GRIP1: variants seen among roughly 807,000 people sequenced by gnomAD.
GRIP1 encodes the protein glutamate receptor interacting protein 1.
Under a neutral mutation model 129.9 loss-of-function variants are expected in GRIP1, and 45 were observed. That is an observed-to-expected ratio of 0.35 (90% confidence interval 0.27 to 0.44). The LOEUF (loss-of-function observed/expected upper bound fraction) is 0.44, where lower values mean the gene tolerates loss of function less well. Among genes scored for constraint, GRIP1 ranks in the 20% least tolerant of loss-of-function variants. The pLI, the probability that GRIP1 is intolerant of heterozygous loss-of-function variation, is 1.00. For missense variants in GRIP1, 1,196 were observed against 1,396.8 expected, an observed-to-expected ratio of 0.86 and a Z score of 2.29; for synonymous variants, 530 against 520.8, an observed-to-expected ratio of 1.02 and a Z score of -0.24.
intron 1 of GRIP1, among the ~76,000 whole-genome samples, chr12:66,702,340 G>C (rs1836993532): frequency 6.6e-6 from 1 of 152,068 alleles, no homozygotes; most frequent in Non-Finnish European, 1.5e-5. Flanking sequence ...TAGTGCTCTA[G>C]AATTATATTT....
At chr12:67,030,360 T>A (rs1038493379) in intron 1 of GRIP1, among the ~76,000 whole-genome samples, 10 of 152,202 alleles carry the variant, frequency 6.6e-5, no homozygotes, top group African/African-American at 2.2e-4. Context: ...AGGTAAATTT[T>A]AAGGCAAAAT....
At chr12:66,860,635 C>T (rs935925662) in intron 1 of GRIP1, among the ~76,000 whole-genome samples, 3 of 152,006 alleles carry the variant, frequency 2.0e-5, no homozygotes, top group African/African-American at 7.2e-5. Flanking sequence ...CCCAAGTCCA[C>T]TGCTTGGTGC....
At chr12:66,525,269 C>G (rs1036444688) in intron 5 of GRIP1, among the ~76,000 whole-genome samples, 6 of 152,040 alleles carry the variant, frequency 3.9e-5, no homozygotes, top group Non-Finnish European at 8.8e-5. Context: ...AACATTGATG[C>G]AAAAATCCTC....
At chr12:66,377,933 G>A (rs757724948) in intron 20 of GRIP1, among the ~76,000 whole-genome samples, 5 of 147,618 alleles carry the variant, frequency 3.4e-5, no homozygotes, top group Non-Finnish European at 3.0e-5. Flanking sequence ...TACAAGGAAC[G>A]AGAAATCAAA....
chr12:66,791,072 G>A (rs546424617), intron 1 of GRIP1, among the ~76,000 whole-genome samples: 3 of 152,310 alleles, frequency 2.0e-5, no homozygotes, highest in South Asian at 4.2e-4. Context: ...TAAGGTGATC[G>A]CTGGTGATCT....
chr12:66,802,226 A>G (rs2038878824), intron 1 of GRIP1, among the ~76,000 whole-genome samples: 1 of 152,124 alleles, frequency 6.6e-6, no homozygotes, highest in Admixed American at 6.6e-5. Flanking sequence ...TTTATTATGT[A>G]GTAGTTTCAA....
chr12:66,454,289 A>C (rs7135845), intron 11 of GRIP1, among the ~76,000 whole-genome samples: 35,065 of 152,220 alleles, frequency 0.23, 4,535 homozygotes, highest in Middle Eastern at 0.42. Flanking sequence ...TAAGTCCATA[A>C]CAGCTGTGAA....
intron 1 of GRIP1, among the ~76,000 whole-genome samples, chr12:66,914,867 T>A (rs1272807167): frequency 1.3e-5 from 2 of 152,196 alleles, no homozygotes; most frequent in Non-Finnish European, 2.9e-5. Flanking sequence ...TGCATTCCTA[T>A]AGTCCCAGCT....
intron 1 of GRIP1, among the ~76,000 whole-genome samples, chr12:66,919,175 T>C (rs1486569237): frequency 6.6e-6 from 1 of 152,136 alleles, no homozygotes; most frequent in Admixed American, 6.5e-5. Context: ...AAATCCCAAA[T>C]TATCAATTTT....
intron 1 of GRIP1, among the ~76,000 whole-genome samples, chr12:66,957,535 T>C (rs2137519577): frequency 6.6e-6 from 1 of 152,234 alleles, no homozygotes; most frequent in Non-Finnish European, 1.5e-5. Context: ...TTCTTAGACT[T>C]CTCTTGTTCT....
chr12:66,434,693 C>T, intron 13 of GRIP1, among the ~76,000 whole-genome samples: 1 of 152,218 alleles, frequency 6.6e-6, no homozygotes, highest in Non-Finnish European at 1.5e-5. Context: ...CCATACTGCG[C>T]TTTAACAACA....
intron 1 of GRIP1, among the ~76,000 whole-genome samples, chr12:66,999,596 C>A (rs2042520951): frequency 6.6e-6 from 1 of 152,180 alleles, no homozygotes; most frequent in African/African-American, 2.4e-5. Flanking sequence ...AATATTAAAA[C>A]CAACTAGAAG....
intron 1 of GRIP1, among the ~76,000 whole-genome samples, chr12:66,828,978 C>G (rs1045151485): frequency 6.6e-5 from 10 of 152,194 alleles, no homozygotes; most frequent in Non-Finnish European, 1.2e-4. Flanking sequence ...TTCAGAGAGA[C>G]TTCTCTTTAT....
intron 1 of GRIP1, among the ~76,000 whole-genome samples, chr12:67,062,625 T>C (rs780411631): frequency 8.5e-5 from 13 of 152,200 alleles, no homozygotes; most frequent in Non-Finnish European, 1.5e-5. Context: ...CCTAGAGTTA[T>C]CTGTCATAGC....
chr12:67,051,887 T>C (rs1486219543), intron 1 of GRIP1, among the ~76,000 whole-genome samples: 1 of 152,202 alleles, frequency 6.6e-6, no homozygotes, highest in Non-Finnish European at 1.5e-5. Context: ...GAAAATAGTT[T>C]AGTATCTTTA....
intron 1 of GRIP1, among the ~76,000 whole-genome samples, chr12:66,767,498 A>C (rs2037678781): frequency 6.6e-6 from 1 of 152,182 alleles, no homozygotes; most frequent in Non-Finnish European, 1.5e-5. Flanking sequence ...TGATACATCT[A>C]ACTAAACAAT....
At chr12:66,806,281 C>T (rs1287050246), upstream of GRIP1, among the ~76,000 whole-genome samples, 1 of 152,010 alleles carries the variant, frequency 6.6e-6, no homozygotes, top group Admixed American at 6.6e-5. Flanking sequence ...TTTTTCATAC[C>T]AGTTCAGAGA....
chr12:66,886,357 T>C (rs2137212972), intron 1 of GRIP1, among the ~76,000 whole-genome samples: 1 of 152,298 alleles, frequency 6.6e-6, no homozygotes, highest in East Asian at 1.9e-4. Context: ...AAATGACTAA[T>C]TTTAAAAGTG....
intron 1 of GRIP1, among the ~76,000 whole-genome samples, chr12:66,971,185 C>G (rs895692317): frequency 2.0e-5 from 3 of 152,118 alleles, no homozygotes; most frequent in Non-Finnish European, 4.4e-5. Flanking sequence ...GTAAGCAAAT[C>G]TTAGCTGTGA....
Sources: allele counts gnomAD v4.1 joint callset (sites outside exome capture counted in the v4.1 genomes callset), GRCh38; gene constraint gnomAD v4.1.1; transcripts MANE v1.5; gene names NCBI Gene and HGNC (gene_info 2026-07-23, HGNC 2026-07-21).